The following MEGF8 variants were observed in gnomAD, a reference collection of about 807,000 sequenced individuals.
The protein encoded by MEGF8 is multiple EGF like domains 8.
Under a neutral mutation model 302.9 loss-of-function variants are expected in MEGF8, and 156 were observed. The ratio of observed to expected loss-of-function variants is 0.52; its 90% CI spans 0.45 to 0.59. The LOEUF (loss-of-function observed/expected upper bound fraction) is 0.59. Among genes scored for constraint, MEGF8 ranks in the 20% least tolerant of loss-of-function variants. MEGF8 has a pLI of 0.00. For missense variants in MEGF8, 3,345 were observed against 3,964.5 expected, an observed-to-expected ratio of 0.84 and a Z score of 4.20; for synonymous variants, 1,621 against 1,660.5, an observed-to-expected ratio of 0.98 and a Z score of 0.58.
At position 42,331,963 on chromosome 19, in the gene MEGF8, A is replaced by G. The variant is rs918019987; in HGVS notation, c.188-1642A>G. 7.3e-5 allele frequency among the ~76,000 whole-genome samples: 11 copies of G among 151,444 alleles called. 1 individual carries two copies. Among genetic ancestry groups the G allele is most frequent in the African/African-American group, 2.4e-4 (10 of 41,184 alleles). On this transcript the variant is annotated intron_variant, in intron 1 of 41. Coordinates refer to ENST00000251268, the MANE Select transcript of MEGF8 (RefSeq NM_001271938.2). Reference sequence around the variant, plus strand: ...AACCTCTGCCTCCCGGGTTCAAGCAATTCTCCTGCCTCAGCCTCCTGAGTA... The same window carrying G: ...AACCTCTGCCTCCCGGGTTCAAGCAGTTCTCCTGCCTCAGCCTCCTGAGTA...
At position 42,356,438 on chromosome 19, in the gene MEGF8, T is replaced by A. The variant is rs766319489; in HGVS notation, c.4607T>A (p.Leu1536Gln). ...FGGLGLPQGL[L>Q]GNLYRYSVSE... ...GGCCTGGGCCTGCCCCAGGGGCTGC[T>A]GGGAAACCTGTACAGGTGAGGACTG... Residue 1536 changes from leucine (L) to glutamine (Q), a missense_variant, in exon 26 of 42, where the codon CTG becomes CAG. Transcript: ENST00000251268. This position sits in a 1 kb window ranked among gnomAD's most constrained non-coding sequence, Gnocchi z 5.2. 1 of 1,604,920 alleles carries A rather than the reference T, an allele frequency of 6.2e-7. No individual in the cohort carries two copies. Among genetic ancestry groups the A allele is most frequent in the South Asian group, 1.1e-5 (1 of 89,624 alleles).
At position 42,336,691 on chromosome 19, in the gene MEGF8, C is replaced by A; in HGVS notation, c.1245-116C>A. 7.0e-7 allele frequency: 1 copy of A among 1,428,344 alleles called. No homozygotes were observed. Among genetic ancestry groups the A allele is most frequent in the Non-Finnish European group, 9.4e-7 (1 of 1,065,032 alleles). The allele number at this position is 1,428,344 out of a possible 1,614,324, so 88.5% of individuals were successfully genotyped here. On this transcript the variant is annotated intron_variant, in intron 6 of 41. Transcript: ENST00000251268. This position sits in a 1 kb window ranked among gnomAD's most constrained non-coding sequence, Gnocchi z 4.8. The stretch of plus-strand genomic sequence containing the variant: ...CAGGGAACTTCTAGTTTGGAGGGGA[C>A]ATAGAGTCAGTCATGGCCAGTCTCA...
chr19:42,328,279 G>T (rs1260183114), intron 1 of MEGF8, among the ~76,000 whole-genome samples: 1 of 152,268 alleles, frequency 6.6e-6, no homozygotes, highest in East Asian at 1.9e-4. Flanking sequence ...GTAAAAGCTG[G>T]CCTCCAGACA....
chr19:42,353,186 G>A lies in MEGF8; in HGVS notation c.3550+59G>A. 1 of 1,439,188 alleles carries A rather than the reference G, an allele frequency of 6.9e-7. No homozygotes were observed. Among genetic ancestry groups the A allele is most frequent in the Non-Finnish European group, 9.3e-7 (1 of 1,079,448 alleles). The allele number at this position is 1,439,188 out of a possible 1,614,324, so 89.2% of individuals were successfully genotyped here. A position where few individuals can be genotyped will look rare whatever the true frequency, so the allele number is the denominator to read the frequency against. ...CCAGGGAGCCTCCTCCCTTCTTGGG[G>A]CTCCAGTTTGCTCTTCTTGGAGGGG... On this transcript the variant is annotated intron_variant, in intron 20 of 41. Coordinates refer to ENST00000251268, the MANE Select transcript of MEGF8 (RefSeq NM_001271938.2). This position sits in a 1 kb window ranked among gnomAD's most constrained non-coding sequence, Gnocchi z 6.1.
At chr19:42,338,424 T>C (rs767726177) in intron 8 of MEGF8, among the ~76,000 whole-genome samples, 1 of 152,138 alleles carries the variant, frequency 6.6e-6, no homozygotes, top group Non-Finnish European at 1.5e-5. Context: ...GTATTTTTAG[T>C]AGAGACGAGG....
Position 42,357,282 on chromosome 19 carries a change from TGG to T in MEGF8, c.4831-116_4831-115del. On this transcript the variant is annotated intron_variant, in intron 27 of 41. Transcript: ENST00000251268. This position sits in a 1 kb window ranked among gnomAD's most constrained non-coding sequence, Gnocchi z 5.2. Reference sequence around the variant, plus strand: ...GGACCCAGGCTGGTCCGACTGGCCCTGGGGGGGTCATTCCCTCCTTAGTACTT... The same window carrying T: ...GGACCCAGGCTGGTCCGACTGGCCCTGGGGGTCATTCCCTCCTTAGTACTT... 1 of 1,261,876 alleles carries T rather than the reference TGG, an allele frequency of 7.9e-7. No homozygotes were observed. Among genetic ancestry groups the T allele is most frequent in the Non-Finnish European group, 1.1e-6 (1 of 909,066 alleles). 78.2% of individuals were successfully genotyped at this position (1,261,876 alleles called of 1,614,324 possible). A position where few individuals can be genotyped will look rare whatever the true frequency, so the allele number is the denominator to read the frequency against.
chr19:42,334,887 C>G, intron 3 of MEGF8, 148 bp from the exon 4 acceptor site: 1 of 768,416 alleles, frequency 1.3e-6, no homozygotes, highest in Non-Finnish European at 2.0e-6. Flanking sequence ...CTTTCCTTTT[C>G]CATCCTCTCC....
chr19:42,341,019 G>A (rs2039204545), intron 8 of MEGF8, among the ~76,000 whole-genome samples: 1 of 152,118 alleles, frequency 6.6e-6, no homozygotes, highest in Non-Finnish European at 1.5e-5. Context: ...AACCTGGAGT[G>A]CAGTGGTGCA....
At chr19:42,341,289 C>T (rs1351111041) in intron 8 of MEGF8, among the ~76,000 whole-genome samples, 3 of 151,854 alleles carry the variant, frequency 2.0e-5, no homozygotes, top group African/African-American at 4.8e-5. Flanking sequence ...AATTAGCTGG[C>T]GTGGTGGTAG....
intron 1 of MEGF8, among the ~76,000 whole-genome samples, chr19:42,332,477 C>T (rs1356398894): frequency 6.6e-6 from 1 of 152,168 alleles, no homozygotes; most frequent in African/African-American, 2.4e-5. Flanking sequence ...AAGCAATTCT[C>T]CTGCCTCAGC....
At position 42,375,425 on chromosome 19, in the gene MEGF8, A is replaced by C; in HGVS notation, c.7270-82A>C. ...GCAATGGCTACTTAGCAGTGGGTAT[A>C]GAGTATTCGTCACTGCTGCTTGGGG... On this transcript the variant is annotated intron_variant, in intron 41 of 41. Coordinates refer to ENST00000251268, the MANE Select transcript of MEGF8 (RefSeq NM_001271938.2). This position sits in a 1 kb window ranked among gnomAD's most constrained non-coding sequence, Gnocchi z 7.1. 11 of 1,338,856 alleles carry C rather than the reference A, an allele frequency of 8.2e-6. No homozygotes were observed. The highest frequency in any genetic ancestry group is 2.4e-5 in the Admixed American group (1 of 40,928). 82.9% of individuals were successfully genotyped at this position (1,338,856 alleles called of 1,614,324 possible). A position where few individuals can be genotyped will look rare whatever the true frequency, so the allele number is the denominator to read the frequency against.
At position 42,328,567 on chromosome 19, in the gene MEGF8, A is replaced by AGTGTGTGTGTGTGTGTGTGT. The variant is rs113567438; in HGVS notation, c.187+2141_187+2160dup. 4.6e-3 allele frequency among the ~76,000 whole-genome samples: 678 copies of AGTGTGTGTGTGTGTGTGTGT among 146,686 alleles called. 5 individuals are homozygous for AGTGTGTGTGTGTGTGTGTGT. Among genetic ancestry groups the AGTGTGTGTGTGTGTGTGTGT allele is most frequent in the Middle Eastern group, 0.025 (7 of 282 alleles). Reference sequence around the variant, plus strand: ...CTAGTGGGATGAGAACAGAATAGGAAGTGTGTGTGTGTGTGTGTGTGTGGC... The same window carrying AGTGTGTGTGTGTGTGTGTGT: ...CTAGTGGGATGAGAACAGAATAGGAAGTGTGTGTGTGTGTGTGTGTGTGTGTGTGTGTGTGTGTGTGTGGC... On this transcript the variant is annotated intron_variant, in intron 1 of 41. Coordinates refer to ENST00000251268, the MANE Select transcript of MEGF8 (RefSeq NM_001271938.2).
rs760250242 is a variant in MEGF8 at position 42,351,249 on chromosome 19, C to T, written c.2770C>T (p.Arg924Cys). 6 of 1,569,284 alleles carry T rather than the reference C, an allele frequency of 3.8e-6. No individual in the cohort carries two copies. The highest frequency in any genetic ancestry group is 2.3e-5 in the East Asian group (1 of 42,686). ...CTGTGAGTGGCATCAGAGCACCAGC[C>T]GCAAAGGGGACGCGGCATGCAGCCG... ...PFCEWHQSTS[R>C]KGDAACSRRG... Residue 924 changes from arginine (R) to cysteine (C), a missense_variant, in exon 16 of 42, where the codon CGC (arginine) becomes TGC (cysteine). By Grantham distance (180) the Arg-to-Cys change is radical (BLOSUM62 -3). Transcript: ENST00000251268. This position sits in a 1 kb window ranked among gnomAD's most constrained non-coding sequence, Gnocchi z 5.6.
In MEGF8 at chr19:42,369,448, G is replaced by T. The variant is rs988658575; in HGVS notation, c.6642-83G>T. On this transcript the variant is annotated intron_variant, in intron 37 of 41. Transcript: ENST00000251268. The surrounding 1 kb of genome is among the most constrained non-coding windows in gnomAD (Gnocchi z 5.7). ...AGGGATGAGCAACCAGTTGAGAAGA[G>T]GGTGGGGTAGTTGGTTGGGTGCTAG... 5 of 1,407,336 alleles carry T rather than the reference G, an allele frequency of 3.6e-6. No homozygotes were observed. The African/African-American group carries it at 7.0e-5, about 20-fold the overall frequency. The allele number at this position is 1,407,336 out of a possible 1,614,324, so 87.2% of individuals were successfully genotyped here.
chr19:42,376,426 C>A lies in MEGF8; in HGVS notation c.8189C>A (p.Pro2730His), dbSNP rs775363240. ...LPPPAFRRSE[P>H]FLAPLLLTGA... is the part of the protein sequence containing the mutation. ...CCTCCCGCCTTCCGCCGCTCTGAGCCCTTCCTGGCACCCCTGCTGCTGACA... is the reference window on the plus strand; with the variant it reads ...CCTCCCGCCTTCCGCCGCTCTGAGCACTTCCTGGCACCCCTGCTGCTGACA... The change falls in exon 42 of 42, where the codon CCC (proline) becomes CAC (histidine). Residue 2730 changes from proline (P) to histidine (H), a missense_variant. Transcript: ENST00000251268. The surrounding 1 kb of genome is among the most constrained non-coding windows in gnomAD (Gnocchi z 8.2). 2 of 1,612,262 alleles carry A rather than the reference C, an allele frequency of 1.2e-6. No individual in the cohort carries two copies. The highest frequency in any genetic ancestry group is 1.7e-6 in the Non-Finnish European group (2 of 1,179,566).
At chr19:42,333,540 G>A (rs2039081838) in intron 1 of MEGF8, 65 bp from the exon 2 acceptor site, 3 of 1,503,808 alleles carry the variant, frequency 2.0e-6, no homozygotes, top group Non-Finnish European at 2.7e-6. Flanking sequence ...AATTGTGGGA[G>A]GCTGCAGGGA....
Position 42,333,695 on chromosome 19 carries a change from C to T in MEGF8, c.278C>T (p.Ser93Phe), listed in dbSNP as rs200910137. Residue 93 changes from serine to phenylalanine, a missense_variant, in exon 2 of 42, where the codon TCC (serine) becomes TTC (phenylalanine). Transcript: ENST00000251268. ...TACCTGTTCGTGTATGACGGTGACT[C>T]CCCGCGAGGGCCGCTGCTTGCCAGT... ...YDYLFVYDGD[S>F]PRGPLLASLS... 2 of 1,613,890 alleles carry T rather than the reference C, an allele frequency of 1.2e-6. No individual in the cohort carries two copies. Among genetic ancestry groups the T allele is most frequent in the African/African-American group, 2.7e-5 (2 of 74,922 alleles).
chr19:42,358,150 A>C lies in MEGF8; in HGVS notation c.5018A>C (p.Tyr1673Ser). The change falls in exon 29 of 42, where the codon TAT (tyrosine) becomes TCT (serine). Residue 1673 changes from tyrosine (Y) to serine (S), a missense_variant. Coordinates refer to ENST00000251268, the MANE Select transcript of MEGF8 (RefSeq NM_001271938.2). The surrounding 1 kb of genome is among the most constrained non-coding windows in gnomAD (Gnocchi z 4.4). ...TCACCCTGCCCCTCACCAGGTCTCT[A>C]TGGTCACTCTGCTGTCTACCACGAG... ...AQSGTPPTGL[Y>S]GHSAVYHEAT... The C allele has an allele frequency of 5.0e-6, 8 of 1,584,780 alleles. No individual in the cohort carries two copies. The highest frequency in any genetic ancestry group is 1.8e-5 in the Admixed American group (1 of 55,602).
intron 12 of MEGF8, among the ~76,000 whole-genome samples, chr19:42,345,187 G>A (rs1346611205): frequency 6.6e-6 from 1 of 152,126 alleles, no homozygotes; most frequent in East Asian, 1.9e-4. Context: ...GGTCAGGCTG[G>A]TCTTGAGCTC....
Sources: gnomAD v4.1 joint callset for allele counts (sites outside exome capture counted in the v4.1 genomes callset) on GRCh38, gnomAD v4.1.1 for gene constraint, Gnocchi (gnomAD v3.1) non-coding constraint, MANE v1.5 for transcripts, NCBI Gene and HGNC (gene_info 2026-07-23, HGNC 2026-07-21) for gene names.